Variants in PRDM5 observed in about 807,000 individuals in gnomAD.
PRDM5 encodes the protein PR domain zinc finger protein 5.
In PRDM5, 56 loss-of-function variants were observed where a neutral mutation model predicts 81.2. That is an observed-to-expected ratio of 0.69 (90% confidence interval 0.56 to 0.86). The LOEUF (loss-of-function observed/expected upper bound fraction) is 0.86, where lower values mean the gene tolerates loss of function less well. Among genes scored for constraint, PRDM5 ranks in the 40% least tolerant of loss-of-function variants. The pLI is 0.00. For synonymous variants in PRDM5, 267 were observed against 256.4 expected (o/e 1.04, Z -0.39); for missense variants, 697 against 770.1 (o/e 0.91, Z 1.12).
chr4:120,807,326 T>C (rs983865323), intron 8 of PRDM5, among the ~76,000 whole-genome samples: 3 of 152,206 alleles, frequency 2.0e-5, no homozygotes, highest in African/African-American at 4.8e-5. Flanking sequence ...GAAATACCAT[T>C]TGACCCAGCC....
At chr4:120,806,404 A>C (rs912700244) in intron 8 of PRDM5, among the ~76,000 whole-genome samples, 6 of 152,212 alleles carry the variant, frequency 3.9e-5, no homozygotes, top group Non-Finnish European at 7.3e-5. Flanking sequence ...AATGCTAAGC[A>C]AAAAGAACAA....
chr4:120,746,144 C>A (rs1320414307), intron 14 of PRDM5, among the ~76,000 whole-genome samples: 1 of 40,938 alleles, frequency 2.4e-5, no homozygotes, highest in Non-Finnish European at 4.6e-5. Flanking sequence ...CTACAACTAT[C>A]TGATCTTTGA....
chr4:120,757,276 T>C (rs1450612961), intron 13 of PRDM5, among the ~76,000 whole-genome samples: 1 of 152,202 alleles, frequency 6.6e-6, no homozygotes, highest in African/African-American at 2.4e-5. Context: ...TTTTTTGGAA[T>C]GTGATTGTCC....
At chr4:120,791,386 C>T (rs1750554049) in intron 10 of PRDM5, among the ~76,000 whole-genome samples, 1 of 152,142 alleles carries the variant, frequency 6.6e-6, no homozygotes, top group Non-Finnish European at 1.5e-5. Flanking sequence ...GTACTAGTTA[C>T]TTTTAAATAT....
At chr4:120,700,293 T>C (rs779589157) in intron 15 of PRDM5, among the ~76,000 whole-genome samples, 35 of 152,162 alleles carry the variant, frequency 2.3e-4, no homozygotes, top group African/African-American at 7.0e-4. Context: ...TTTCAACATA[T>C]ACAAAAATTA....
intron 13 of PRDM5, among the ~76,000 whole-genome samples, chr4:120,769,450 G>A (rs6842174): frequency 3.3e-5 from 5 of 151,870 alleles, no homozygotes; most frequent in Admixed American, 1.3e-4. Flanking sequence ...GGAGAAAAGC[G>A]AAAGAAGGCC....
At chr4:120,884,204 A>G (rs185749234) in intron 2 of PRDM5, among the ~76,000 whole-genome samples, 32 of 152,340 alleles carry the variant, frequency 2.1e-4, no homozygotes, top group Non-Finnish European at 4.3e-4. Context: ...CAAAAATATC[A>G]GCAAGAGTGA....
intron 14 of PRDM5, among the ~76,000 whole-genome samples, chr4:120,717,212 T>G (rs1001620273): frequency 3.9e-5 from 6 of 152,160 alleles, no homozygotes; most frequent in Non-Finnish European, 8.8e-5. Context: ...ATTACATAGT[T>G]TAACTGACAA....
At chr4:120,921,865 TAA>T (rs976326279) in intron 1 of PRDM5, among the ~76,000 whole-genome samples, 1 of 144,034 alleles carries the variant, frequency 6.9e-6, no homozygotes. Context: ...GGAGACAAAT[TAA>T]AAAAAAAAAG....
chr4:120,806,452 T>C (rs1009112860), intron 8 of PRDM5, among the ~76,000 whole-genome samples: 3 of 152,140 alleles, frequency 2.0e-5, no homozygotes, highest in Non-Finnish European at 2.9e-5. Flanking sequence ...CAAACTATAC[T>C]ACAAGGCTAC....
At chr4:120,747,212 C>G (rs1456986677) in intron 14 of PRDM5, among the ~76,000 whole-genome samples, 3 of 148,114 alleles carry the variant, frequency 2.0e-5, no homozygotes, top group Non-Finnish European at 4.4e-5. Flanking sequence ...CATATTCTCA[C>G]TGATAGGTGG....
intron 2 of PRDM5, among the ~76,000 whole-genome samples, chr4:120,868,936 A>G (rs1244161882): frequency 6.6e-6 from 1 of 152,190 alleles, no homozygotes; most frequent in Non-Finnish European, 1.5e-5. Context: ...TAATATGCAA[A>G]TTGGAAACAA....
At chr4:120,876,913 T>G (rs1246566327) in intron 2 of PRDM5, among the ~76,000 whole-genome samples, 1 of 152,184 alleles carries the variant, frequency 6.6e-6, no homozygotes, top group Non-Finnish European at 1.5e-5. Flanking sequence ...GGGAGAGCAG[T>G]CAAATCCAGA....
At chr4:120,883,478 A>C (rs1159793042) in intron 2 of PRDM5, among the ~76,000 whole-genome samples, 1 of 151,754 alleles carries the variant, frequency 6.6e-6, no homozygotes, top group Admixed American at 6.6e-5. Context: ...ACACACATTC[A>C]TCTCTTGGAG....
chr4:120,895,821 C>T (rs539077417), intron 2 of PRDM5: 1 of 152,304 alleles, frequency 6.6e-6, no homozygotes, highest in East Asian at 1.9e-4. Context: ...GGACAACAGG[C>T]ATGTACCACC....
intron 7 of PRDM5, chr4:120,812,714 C>G (rs746093843): frequency 2.9e-6 from 1 of 348,474 alleles, no homozygotes; most frequent in Non-Finnish European, 5.4e-6. Flanking sequence ...TTCTCCCATT[C>G]TGTGTAAATG....
chr4:120,744,859 G>A (rs1279549055), intron 14 of PRDM5, among the ~76,000 whole-genome samples: 4 of 137,946 alleles, frequency 2.9e-5, no homozygotes, highest in South Asian at 5.2e-4. Flanking sequence ...GGTACAAGGA[G>A]GAACTGGTAC....
chr4:120,703,475 T>A (rs1735673748), intron 15 of PRDM5, among the ~76,000 whole-genome samples: 1 of 152,166 alleles, frequency 6.6e-6, no homozygotes, highest in African/African-American at 2.4e-5. Flanking sequence ...TAGGCATGAG[T>A]CACCATGCCT....
At chr4:120,762,045 T>C (rs532072798) in intron 13 of PRDM5, among the ~76,000 whole-genome samples, 2 of 152,262 alleles carry the variant, frequency 1.3e-5, no homozygotes, top group East Asian at 3.9e-4. Context: ...TATACATATA[T>C]TTAATTATCT....
Sources: allele counts gnomAD v4.1 joint callset (sites outside exome capture counted in the v4.1 genomes callset), GRCh38; gene constraint gnomAD v4.1.1; transcripts MANE v1.5; gene names NCBI Gene and HGNC (gene_info 2026-07-23, HGNC 2026-07-21).